The following NCOA2 variants were observed in gnomAD, a reference collection of about 807,000 sequenced individuals.
NCOA2 encodes the protein nuclear receptor coactivator 2.
NCOA2 carries 21 observed loss-of-function variants against 145.1 expected under a neutral mutation model. That is an observed-to-expected ratio of 0.14 (90% CI 0.10 to 0.21). The LOEUF (loss-of-function observed/expected upper bound fraction) is 0.21. NCOA2 is among the 10% of genes least tolerant of loss of function. The pLI is 1.00. For synonymous variants in NCOA2, 619 were observed against 637.5 expected, an observed-to-expected ratio of 0.97 and a Z score of 0.44; for missense variants, 1,472 against 1,837.6, an observed-to-expected ratio of 0.80 and a Z score of 3.64.
At chr8:70,182,549 G>C (rs748939106) in intron 4 of NCOA2, among the ~76,000 whole-genome samples, 7 of 152,166 alleles carry the variant, frequency 4.6e-5, no homozygotes, top group Non-Finnish European at 1.0e-4. Context: ...AGAATATTTA[G>C]GCTTTGAGTA....
intron 2 of NCOA2, among the ~76,000 whole-genome samples, chr8:70,278,031 C>A (rs1825599312): frequency 6.6e-6 from 1 of 152,130 alleles, no homozygotes; most frequent in African/African-American, 2.4e-5. Context: ...TAAAAAGAAA[C>A]CCTATATCCA....
chr8:70,387,947 G>C (rs2131564124), intron 1 of NCOA2, among the ~76,000 whole-genome samples: 1 of 152,334 alleles, frequency 6.6e-6, no homozygotes, highest in South Asian at 2.1e-4. Context: ...AGGTGAGCAA[G>C]GCTTCAGCTG....
chr8:70,142,853 T>C (rs1042939576), intron 13 of NCOA2, among the ~76,000 whole-genome samples: 4 of 131,604 alleles, frequency 3.0e-5, no homozygotes, highest in Non-Finnish European at 5.3e-5. Flanking sequence ...GACAAGATTA[T>C]AGGAAGTCTA....
At chr8:70,191,425 C>T (rs1407910661) in intron 4 of NCOA2, among the ~76,000 whole-genome samples, 1 of 152,196 alleles carries the variant, frequency 6.6e-6, no homozygotes, top group Non-Finnish European at 1.5e-5. Context: ...TCTATCCACT[C>T]CTCAAGCTGC....
At chr8:70,203,063 G>T (rs1156976517) in intron 4 of NCOA2, among the ~76,000 whole-genome samples, 1 of 152,084 alleles carries the variant, frequency 6.6e-6, no homozygotes, top group African/African-American at 2.4e-5. Flanking sequence ...AAAAGATCGA[G>T]ACCATTCTGG....
chr8:70,161,226 T>G (rs1311551991), intron 9 of NCOA2, among the ~76,000 whole-genome samples: 1 of 152,240 alleles, frequency 6.6e-6, no homozygotes, highest in East Asian at 1.9e-4. Context: ...GTGCAGTGCC[T>G]GATCCATCTG....
At chr8:70,318,183 C>A (rs556369977) in intron 1 of NCOA2, among the ~76,000 whole-genome samples, 1 of 152,064 alleles carries the variant, frequency 6.6e-6, no homozygotes, top group African/African-American at 2.4e-5. Context: ...CTTAATCAGC[C>A]CTATTTGTTA....
chr8:70,330,216 A>ATGATGATG (rs137886603), intron 1 of NCOA2, among the ~76,000 whole-genome samples: 1 of 150,800 alleles, frequency 6.6e-6, no homozygotes, highest in Non-Finnish European at 1.5e-5. Context: ...TGATGATGAT[A>ATGATGATG]ATGATGATGA....
At chr8:70,153,791 T>C (rs1812007805) in intron 11 of NCOA2, among the ~76,000 whole-genome samples, 1 of 152,326 alleles carries the variant, frequency 6.6e-6, no homozygotes, top group South Asian at 2.1e-4. Context: ...AGACACCAGT[T>C]TCCCCATTTA....
At chr8:70,339,972 A>C (rs1355213967) in intron 1 of NCOA2, among the ~76,000 whole-genome samples, 1 of 152,248 alleles carries the variant, frequency 6.6e-6, no homozygotes, top group Admixed American at 6.5e-5. Context: ...TGTAAAATGC[A>C]AAACTATAAA....
intron 2 of NCOA2, among the ~76,000 whole-genome samples, chr8:70,238,445 C>T (rs988062054): frequency 4.1e-5 from 6 of 147,328 alleles, no homozygotes; most frequent in Admixed American, 3.4e-4. Flanking sequence ...TGACCGACCT[C>T]TCCAAGGTCT....
intron 1 of NCOA2, among the ~76,000 whole-genome samples, chr8:70,351,985 A>T (rs552168276): frequency 1.7e-3 from 203 of 121,852 alleles, no homozygotes; most frequent in African/African-American, 5.0e-3. Context: ...TTTTTTTTTT[A>T]AAAAAGGAAG....
upstream of NCOA2, among the ~76,000 whole-genome samples, chr8:70,408,648 T>TTG (rs1586705371): frequency 6.6e-6 from 1 of 151,766 alleles, no homozygotes; most frequent in Admixed American, 6.6e-5. Context: ...AAGTTAATTT[T>TTG]TGTGTGTGTG....
At chr8:70,190,343 T>C (rs1268975010) in intron 4 of NCOA2, among the ~76,000 whole-genome samples, 1 of 152,186 alleles carries the variant, frequency 6.6e-6, no homozygotes, top group Non-Finnish European at 1.5e-5. Context: ...AGAGGAGTTA[T>C]ACTATCTGTC....
chr8:70,441,782 G>GAGAAAGAAAGAA, the NCOA2 span, among the ~76,000 whole-genome samples: 137 of 139,412 alleles, frequency 9.8e-4, 1 homozygote, highest in African/African-American at 2.8e-3. Flanking sequence ...AAAGAAAGAA[G>GAGAAAGAAAGAA]AGAAAGAAAG....
chr8:70,202,719 G>C (rs1453230056), intron 4 of NCOA2, among the ~76,000 whole-genome samples: 1 of 152,206 alleles, frequency 6.6e-6, no homozygotes, highest in Non-Finnish European at 1.5e-5. Context: ...TGGGAACAGA[G>C]TTTTACTCAT....
At chr8:70,274,462 G>C (rs1452414060) in intron 2 of NCOA2, among the ~76,000 whole-genome samples, 1 of 152,066 alleles carries the variant, frequency 6.6e-6, no homozygotes, top group African/African-American at 2.4e-5. Flanking sequence ...CACAACTCCA[G>C]GGCTTTTTAA....
chr8:70,446,182 T>G, the NCOA2 span, among the ~76,000 whole-genome samples: 1 of 152,266 alleles, frequency 6.6e-6, no homozygotes, highest in South Asian at 2.1e-4. Context: ...CTACTTCTGC[T>G]CCTCATGCCC....
intron 2 of NCOA2, among the ~76,000 whole-genome samples, chr8:70,292,135 TTTTG>T (rs1240959834): frequency 1.1e-4 from 17 of 151,802 alleles, no homozygotes; most frequent in Admixed American, 3.3e-4. Context: ...GTGCCCTGTT[TTTTG>T]TTTGTTTGTT....
Sources: allele counts gnomAD v4.1 joint callset (sites outside exome capture counted in the v4.1 genomes callset), GRCh38; gene constraint gnomAD v4.1.1; transcripts MANE v1.5; gene names NCBI Gene and HGNC (gene_info 2026-07-23, HGNC 2026-07-21).